Variants in AFF2 observed in about 807,000 individuals in gnomAD.
AFF2 encodes AF4/FMR2 family member 2.
In AFF2, 14 loss-of-function variants were observed where a neutral mutation model predicts 76.9. That is an observed-to-expected ratio of 0.18 (90% CI 0.12 to 0.28). The LOEUF is 0.28. Among genes scored for constraint, AFF2 ranks in the 10% least tolerant of loss-of-function variants. AFF2 has a pLI of 1.00. For missense variants in AFF2, 868 were observed against 1,001.1 expected (o/e 0.87, Z 1.79); for synonymous variants, 398 against 366.7 (o/e 1.09, Z -0.98).
chrX:148,962,772 A>G lies in AFF2; in HGVS notation c.2748A>G (p.Pro916=), dbSNP rs2072124766. ...RRKEEKLFPP[P]LSPLPEDPPR... is the part of the protein sequence containing the mutation. ...AGGAAGAAAAACTATTTCCTCCTCCACTTTCCCCACTGCCAGAGGACCCTC... is the reference window on the plus strand; with the variant it reads ...AGGAAGAAAAACTATTTCCTCCTCCGCTTTCCCCACTGCCAGAGGACCCTC... Residue 916 remains proline (P), a synonymous_variant, in exon 13 of 21, where the codon CCA becomes CCG. Coordinates refer to ENST00000370460, the MANE Select transcript of AFF2 (RefSeq NM_002025.4). The G allele has an allele frequency of 2.5e-6, 3 of 1,211,034 alleles. No individual in the cohort carries two copies. The highest frequency in any genetic ancestry group is 2.2e-6 in the Non-Finnish European group (2 of 894,996).
intron 19 of AFF2, among the ~76,000 whole-genome samples, chrX:148,983,845 T>G (rs1253815128): frequency 9.4e-6 from 1 of 106,160 alleles, no homozygotes; most frequent in Non-Finnish European, 1.9e-5. Context: ...TAGTAGATAC[T>G]AAACAAAGAA....
intron 7 of AFF2, among the ~76,000 whole-genome samples, chrX:148,880,494 G>A (rs567674346): frequency 9.0e-6 from 1 of 111,679 alleles, no homozygotes. Context: ...TCCTAGAAGA[G>A]GGACCAGAGT....
At chrX:148,677,243 T>C (rs1449069588) in intron 3 of AFF2, among the ~76,000 whole-genome samples, 2 of 111,256 alleles carry the variant, frequency 1.8e-5, no homozygotes, top group Non-Finnish European at 3.8e-5. Context: ...TTCCTTTCTT[T>C]GACACTGAGA....
At chrX:148,903,131 C>A (rs991504509) in intron 8 of AFF2, among the ~76,000 whole-genome samples, 88 of 111,609 alleles carry the variant, frequency 7.9e-4, no homozygotes, top group African/African-American at 2.9e-3. Flanking sequence ...GATCCCCAAA[C>A]AGATACTTTT....
At chrX:148,769,645 A>G in intron 3 of AFF2, among the ~76,000 whole-genome samples, 1 of 110,705 alleles carries the variant, frequency 9.0e-6, no homozygotes, top group East Asian at 2.9e-4. Context: ...TTTAGTTTCA[A>G]TGAGAATCCA....
At chrX:148,878,221 G>A (rs2071056558) in intron 7 of AFF2, among the ~76,000 whole-genome samples, 1 of 111,965 alleles carries the variant, frequency 8.9e-6, no homozygotes, top group Non-Finnish European at 1.9e-5. Context: ...TGATAGACAG[G>A]CAGCCTAGTG....
rs1485348861 is a variant in AFF2 at position 148,992,586 on chromosome X, C to G, written c.*1254C>G. 1 of 111,917 alleles carries G rather than the reference C, an allele frequency of 8.9e-6. No homozygotes were observed. Among genetic ancestry groups the G allele is most frequent in the Non-Finnish European group, 1.9e-5 (1 of 53,185 alleles). 9.2% of individuals were successfully genotyped at this position (111,917 alleles called of 1,213,427 possible). A position where few individuals can be genotyped will look rare whatever the true frequency, so the allele number is the denominator to read the frequency against. On this transcript the variant is annotated 3_prime_UTR_variant, in exon 21 of 21. Transcript: ENST00000370460. ...TTCCATGAAAATTTCTAAGAAAACT[C>G]CAAACTCTCTAAATAGTAGCTAACT...
At chrX:148,504,673 G>A (rs976196952) in intron 1 of AFF2, among the ~76,000 whole-genome samples, 2 of 113,212 alleles carry the variant, frequency 1.8e-5, no homozygotes, top group African/African-American at 6.4e-5. Context: ...AGCCCCCAGG[G>A]CCTGCCCCAG....
Position 148,795,584 on chromosome X carries a change from C to T in AFF2, c.1042-14292C>T, listed in dbSNP as rs782549409. Among the ~76,000 whole-genome samples, 7 of 104,630 alleles carry T rather than the reference C, an allele frequency of 6.7e-5. 1 individual carries two copies. The highest frequency in any genetic ancestry group is 9.0e-4 in the South Asian group (2 of 2,212). 90.9% of individuals were successfully genotyped at this position (104,630 alleles called of 115,157 possible). ...TTGGGAGGCTAAGGCTGGCAGATCACGAGGTCAGGAGATCAAGACCATGCT... is the reference window on the plus strand; with the variant it reads ...TTGGGAGGCTAAGGCTGGCAGATCATGAGGTCAGGAGATCAAGACCATGCT... On this transcript the variant is annotated intron_variant, in intron 3 of 20. Coordinates refer to ENST00000370460, the MANE Select transcript of AFF2 (RefSeq NM_002025.4).
chrX:148,907,907 A>C (rs1432273490), intron 9 of AFF2, among the ~76,000 whole-genome samples: 1 of 110,146 alleles, frequency 9.1e-6, no homozygotes, highest in East Asian at 2.9e-4. Flanking sequence ...CAACCGTAAA[A>C]GATAGCCACC....
intron 4 of AFF2, among the ~76,000 whole-genome samples, chrX:148,827,686 C>T (rs972826525): frequency 8.0e-5 from 9 of 111,931 alleles, no homozygotes; most frequent in Non-Finnish European, 1.1e-4. Context: ...ATTTCTACTT[C>T]GAATGGTAAC....
At chrX:148,979,088 G>T in intron 18 of AFF2, among the ~76,000 whole-genome samples, 1 of 112,028 alleles carries the variant, frequency 8.9e-6, no homozygotes, top group Non-Finnish European at 1.9e-5. Flanking sequence ...CTTCATACTA[G>T]GCCTGATCAC....
chrX:148,658,316 A>G (rs781815406), intron 2 of AFF2, among the ~76,000 whole-genome samples: 1 of 112,056 alleles, frequency 8.9e-6, no homozygotes, highest in Non-Finnish European at 1.9e-5. Flanking sequence ...TCACCAGTGA[A>G]CTCAACCTTG....
intron 1 of AFF2, among the ~76,000 whole-genome samples, chrX:148,566,511 A>C (rs1407576544): frequency 1.8e-5 from 2 of 111,389 alleles, no homozygotes; most frequent in Admixed American, 1.9e-4. Flanking sequence ...AATCAGAGCA[A>C]TGAAATGCAG....
intron 1 of AFF2, among the ~76,000 whole-genome samples, chrX:148,570,762 C>T (rs782520140): frequency 1.8e-5 from 2 of 111,468 alleles, no homozygotes; most frequent in South Asian, 3.8e-4. Context: ...CCAGGAAAGA[C>T]GTGTTCCATG....
At chrX:148,894,298 T>A (rs782187801) in intron 8 of AFF2, among the ~76,000 whole-genome samples, 1 of 111,683 alleles carries the variant, frequency 9.0e-6, no homozygotes, top group Non-Finnish European at 1.9e-5. Flanking sequence ...CCCAGATATC[T>A]GCCATCTGCT....
intron 1 of AFF2, among the ~76,000 whole-genome samples, chrX:148,541,048 A>G (rs1357776667): frequency 8.9e-6 from 1 of 112,448 alleles, no homozygotes; most frequent in Admixed American, 9.4e-5. Flanking sequence ...GCCTGATTTT[A>G]TGAGGTGACA....
chrX:148,593,154 T>A (rs782596023), intron 1 of AFF2, among the ~76,000 whole-genome samples: 1 of 112,245 alleles, frequency 8.9e-6, no homozygotes, highest in East Asian at 2.8e-4. Context: ...TTTCTAGTCA[T>A]TTCTGAGAAG....
At chrX:148,530,491 C>A (rs947209559) in intron 1 of AFF2, among the ~76,000 whole-genome samples, 1 of 111,711 alleles carries the variant, frequency 9.0e-6, no homozygotes, top group South Asian at 3.7e-4. Context: ...CTGTTCATAA[C>A]TCCAGTCTTT....
Sources: gnomAD v4.1 joint callset for allele counts (sites outside exome capture counted in the v4.1 genomes callset) on GRCh38, gnomAD v4.1.1 for gene constraint, MANE v1.5 for transcripts, NCBI Gene and HGNC (gene_info 2026-07-23, HGNC 2026-07-21) for gene names.